Variants in DMD observed in about 807,000 individuals in gnomAD.
DMD encodes the protein mutant dystrophin.
DMD carries 63 observed loss-of-function variants against 330.1 expected under a neutral mutation model. That is an observed-to-expected ratio of 0.19 (90% CI 0.16 to 0.24). The LOEUF is 0.24. DMD is among the 10% of genes least tolerant of loss of function. The pLI is 1.00. For missense variants in DMD, 3,344 were observed against 2,684.1 expected (o/e 1.25, Z -5.43); for synonymous variants, 1,223 against 959.8 (o/e 1.27, Z -5.07).
chrX:31,525,968 A>G (rs1402331198), intron 55 of DMD, among the ~76,000 whole-genome samples: 2 of 112,436 alleles, frequency 1.8e-5, no homozygotes, highest in Non-Finnish European at 3.7e-5. Context: ...ACACTCAGTT[A>G]GCCAAGCTTC....
At chrX:31,818,558 T>C (rs1183302238) in intron 50 of DMD, among the ~76,000 whole-genome samples, 2 of 110,841 alleles carry the variant, frequency 1.8e-5, no homozygotes, top group Non-Finnish European at 3.8e-5. Context: ...AATCTCTTCA[T>C]GGAGTTACAG....
intron 57 of DMD, among the ~76,000 whole-genome samples, chrX:31,489,812 T>G (rs1228749317): frequency 8.9e-6 from 1 of 112,271 alleles, no homozygotes; most frequent in Non-Finnish European, 1.9e-5. Flanking sequence ...TGTGTAAAAG[T>G]GCTTTGTCAA....
intron 59 of DMD, among the ~76,000 whole-genome samples, chrX:31,473,457 C>T (rs1038674318): frequency 2.7e-5 from 3 of 109,424 alleles, no homozygotes; most frequent in Non-Finnish European, 3.8e-5. Context: ...AGCGGTGGCT[C>T]ACGCCTGTAA....
chrX:32,613,642 CTTA>C (rs749201441), intron 12 of DMD, among the ~76,000 whole-genome samples: 1 of 110,449 alleles, frequency 9.1e-6, no homozygotes, highest in East Asian at 2.9e-4. Flanking sequence ...AAATCGTAGC[CTTA>C]TTATTTAAAT....
At chrX:31,429,466 C>T (rs760324044) in intron 60 of DMD, among the ~76,000 whole-genome samples, 3 of 111,808 alleles carry the variant, frequency 2.7e-5, no homozygotes, top group East Asian at 2.8e-4. Context: ...GGGCTAGCCA[C>T]GTATTTGTCT....
chrX:31,458,895 AT>A (rs1469537921), intron 59 of DMD, among the ~76,000 whole-genome samples: 1 of 110,986 alleles, frequency 9.0e-6, no homozygotes, highest in African/African-American at 3.3e-5. Flanking sequence ...CAAAAAAAAA[AT>A]TGAGATGGTT....
chrX:31,760,985 C>T lies in DMD; in HGVS notation c.7542+12975G>A, dbSNP rs765659521. ...TTTGAGATGGAGTCTTGCTCTGTCG[C>T]CCAGGCTGGAGTGCAGTAGCCTCCC... On this transcript the variant is annotated intron_variant, in intron 51 of 78. Transcript: ENST00000357033. Among the ~76,000 whole-genome samples, 3 of 96,215 alleles carry T rather than the reference C, an allele frequency of 3.1e-5. No homozygotes were observed. In the South Asian group the frequency reaches 1.6e-3, roughly 50 times the overall value. The allele number at this position is 96,215 out of a possible 115,157, so 83.6% of individuals were successfully genotyped here.
chrX:32,745,703 T>C (rs1350339956), intron 7 of DMD, among the ~76,000 whole-genome samples: 2 of 112,444 alleles, frequency 1.8e-5, no homozygotes, highest in Non-Finnish European at 3.8e-5. Context: ...TTTTTATTCT[T>C]AATAAAAGTT....
chrX:31,194,717 C>G (rs955248823), intron 67 of DMD, among the ~76,000 whole-genome samples: 1 of 111,902 alleles, frequency 8.9e-6, no homozygotes. Flanking sequence ...CCCAAGTCAC[C>G]CCTTCATGGG....
chrX:32,783,273 A>G (rs1305635989), intron 7 of DMD, among the ~76,000 whole-genome samples: 1 of 94,904 alleles, frequency 1.1e-5, no homozygotes, highest in African/African-American at 3.6e-5. Context: ...CATATATGGT[A>G]TATATACACC....
chrX:32,936,899 A>G (rs2090061836), intron 2 of DMD, among the ~76,000 whole-genome samples: 1 of 111,945 alleles, frequency 8.9e-6, no homozygotes, highest in South Asian at 3.7e-4. Flanking sequence ...CATTATCAAA[A>G]AACGTGTAAT....
At chrX:31,818,083 T>C (rs1485862412) in intron 50 of DMD, among the ~76,000 whole-genome samples, 1 of 111,930 alleles carries the variant, frequency 8.9e-6, no homozygotes, top group Non-Finnish European at 1.9e-5. Flanking sequence ...GGGATTCTAT[T>C]AAAATGCAGA....
chrX:32,920,311 T>G (rs1221253615), intron 2 of DMD, among the ~76,000 whole-genome samples: 1 of 112,260 alleles, frequency 8.9e-6, no homozygotes, highest in African/African-American at 3.2e-5. Context: ...TACATTTATC[T>G]ATCAATTATA....
At chrX:32,580,084 C>T (rs748765877) in intron 13 of DMD, among the ~76,000 whole-genome samples, 11 of 108,197 alleles carry the variant, frequency 1.0e-4, no homozygotes, top group Non-Finnish European at 2.1e-4. Context: ...AATTGGGATA[C>T]CAGAAAATAA....
intron 12 of DMD, among the ~76,000 whole-genome samples, chrX:32,597,364 T>C (rs1477867443): frequency 8.9e-6 from 1 of 111,968 alleles, no homozygotes; most frequent in Non-Finnish European, 1.9e-5. Flanking sequence ...TCTCACTATG[T>C]ATTACAAGCA....
intron 37 of DMD, among the ~76,000 whole-genome samples, chrX:32,355,158 G>A (rs1398985168): frequency 1.2e-4 from 13 of 111,017 alleles, no homozygotes; most frequent in African/African-American, 3.9e-4. Flanking sequence ...AAAGTATAAC[G>A]AAATCACTGT....
At chrX:33,057,516 T>G (rs991795536) in intron 1 of DMD, among the ~76,000 whole-genome samples, 2 of 112,325 alleles carry the variant, frequency 1.8e-5, no homozygotes, top group African/African-American at 6.5e-5. Flanking sequence ...AAAATGTGTG[T>G]TCTATGGAGA....
intron 30 of DMD, among the ~76,000 whole-genome samples, chrX:32,393,936 T>C (rs1313312267): frequency 9.0e-6 from 1 of 110,832 alleles, no homozygotes; most frequent in Non-Finnish European, 1.9e-5. Flanking sequence ...AAGAGAGAAG[T>C]GGATGACGAG....
intron 7 of DMD, among the ~76,000 whole-genome samples, chrX:32,803,404 CA>C (rs202213555): frequency 9.4e-6 from 1 of 106,499 alleles, no homozygotes; most frequent in Admixed American, 9.9e-5. Flanking sequence ...TTAATCTTTT[CA>C]AAAAAACAGC....
Sources: allele counts gnomAD v4.1 joint callset (sites outside exome capture counted in the v4.1 genomes callset), GRCh38; gene constraint gnomAD v4.1.1; transcripts MANE v1.5; gene names NCBI Gene and HGNC (gene_info 2026-07-23, HGNC 2026-07-21).